Variants in ATP8B4 observed in about 807,000 individuals in gnomAD.
ATP8B4 encodes the protein ATPase phospholipid transporting 8B4 (putative).
ATP8B4 carries 133 observed loss-of-function variants against 145.6 expected under a neutral mutation model. The ratio of observed to expected loss-of-function variants is 0.91; its 90% CI spans 0.79 to 1.05. The LOEUF (loss-of-function observed/expected upper bound fraction) is 1.05. Ranked by LOEUF, ATP8B4 falls within the 50% of genes least tolerant of loss-of-function variation. The pLI is 0.00. For synonymous variants in ATP8B4, 507 were observed against 492.9 expected (o/e 1.03, Z -0.38); for missense variants, 1,458 against 1,425.2 (o/e 1.02, Z -0.37).
intron 1 of ATP8B4, among the ~76,000 whole-genome samples, chr15:50,165,796 T>C (rs1186114594): frequency 6.6e-6 from 1 of 152,038 alleles, no homozygotes; most frequent in Non-Finnish European, 1.5e-5. Context: ...AAATAAAAAA[T>C]GTTCATGTAA....
intron 9 of ATP8B4, among the ~76,000 whole-genome samples, chr15:49,994,940 T>C (rs970259031): frequency 3.3e-5 from 5 of 152,172 alleles, no homozygotes; most frequent in Non-Finnish European, 5.9e-5. Context: ...GTCTCTTTCA[T>C]CTTACCCTTA....
At chr15:49,928,836 G>A (rs1190110772) in intron 16 of ATP8B4, among the ~76,000 whole-genome samples, 1 of 152,052 alleles carries the variant, frequency 6.6e-6, no homozygotes, top group Non-Finnish European at 1.5e-5. Context: ...AGATGTTAAG[G>A]CCTGAGACTG....
At chr15:50,072,920 G>GCCCCTCTCTCTCTCTC (rs1190823807) in intron 3 of ATP8B4, among the ~76,000 whole-genome samples, 2 of 47,414 alleles carry the variant, frequency 4.2e-5, no homozygotes, top group African/African-American at 1.9e-4. Context: ...ACTGTGCCCG[G>GCCCCTCTCTCTCTCTC]CCTCTCTCTC....
At chr15:49,992,424 AT>A (rs933797462) in intron 9 of ATP8B4, among the ~76,000 whole-genome samples, 4 of 152,158 alleles carry the variant, frequency 2.6e-5, no homozygotes, top group African/African-American at 9.7e-5. Context: ...TTAAATATAC[AT>A]TTGCTGAATG....
intron 20 of ATP8B4, among the ~76,000 whole-genome samples, chr15:49,909,280 G>T (rs2038967282): frequency 6.6e-6 from 1 of 152,100 alleles, no homozygotes; most frequent in African/African-American, 2.4e-5. Context: ...AACCCAGCCT[G>T]CCACTACCAC....
chr15:50,132,930 G>A (rs575634396), intron 1 of ATP8B4, among the ~76,000 whole-genome samples: 2 of 152,176 alleles, frequency 1.3e-5, no homozygotes, highest in African/African-American at 2.4e-5. Context: ...TGGACACAGG[G>A]AGGGGAACAT....
intron 13 of ATP8B4, among the ~76,000 whole-genome samples, chr15:49,967,859 A>G (rs901571457): frequency 6.6e-6 from 1 of 152,220 alleles, no homozygotes; most frequent in Non-Finnish European, 1.5e-5. Flanking sequence ...AAAAAATGTT[A>G]AGCACAGCCA....
At chr15:50,122,084 T>C (rs1336336074), upstream of ATP8B4, among the ~76,000 whole-genome samples, 2 of 152,180 alleles carry the variant, frequency 1.3e-5, no homozygotes, top group African/African-American at 4.8e-5. Flanking sequence ...AAATAGCATC[T>C]TATGTTTCTT....
intron 26 of ATP8B4, among the ~76,000 whole-genome samples, chr15:49,865,016 AGT>A (rs1442708995): frequency 2.0e-5 from 3 of 152,148 alleles, no homozygotes; most frequent in Non-Finnish European, 4.4e-5. Flanking sequence ...TTTGTTAATG[AGT>A]TGACTGATGG....
chr15:50,074,139 C>T lies in ATP8B4; in HGVS notation c.75G>A (p.Lys25=). The change falls in exon 3 of 28, where the codon AAG becomes AAA. Residue 25 remains lysine (K), a synonymous_variant. Coordinates refer to ENST00000284509, the MANE Select transcript of ATP8B4 (RefSeq NM_024837.4). ...GTGTTTCACTTACCGCATACTGGAA[C>T]TTTTCATTATATTCACGGTCATTGG... ...VKANDREYNE[K]FQYADNRIHT... 6.2e-7 allele frequency: 1 copy of T among 1,613,054 alleles called. No homozygotes were observed. The highest frequency in any genetic ancestry group is 8.5e-7 in the Non-Finnish European group (1 of 1,179,310).
At chr15:49,918,762 T>C in intron 19 of ATP8B4, 77 bp downstream of exon 19, 1 of 1,035,326 alleles carries the variant, frequency 9.7e-7, no homozygotes. Flanking sequence ...TAATTAACCT[T>C]TCTGGTTAAT....
chr15:49,934,781 C>T (rs1567026669), intron 14 of ATP8B4, among the ~76,000 whole-genome samples: 1 of 152,072 alleles, frequency 6.6e-6, no homozygotes, highest in Non-Finnish European at 1.5e-5. Flanking sequence ...CGATAAGGAA[C>T]TGTGAGCCTG....
chr15:49,908,680 C>A (rs770592838), intron 20 of ATP8B4, among the ~76,000 whole-genome samples: 6 of 152,116 alleles, frequency 3.9e-5, no homozygotes, highest in Non-Finnish European at 8.8e-5. Context: ...CCCAGCCCCA[C>A]CAGACTGCAT....
intron 1 of ATP8B4, among the ~76,000 whole-genome samples, chr15:50,166,007 A>ACACACC (rs1242315706): frequency 7.6e-5 from 11 of 144,838 alleles, no homozygotes; most frequent in African/African-American, 2.1e-4. Flanking sequence ...ACACACACAC[A>ACACACC]CCTCATCTAA....
chr15:50,101,532 G>A (rs980809204), intron 2 of ATP8B4, among the ~76,000 whole-genome samples: 7 of 152,040 alleles, frequency 4.6e-5, no homozygotes, highest in Non-Finnish European at 7.4e-5. Context: ...TAGTCCAAAA[G>A]GAGATTATCA....
intron 12 of ATP8B4, among the ~76,000 whole-genome samples, chr15:49,978,739 TAC>T (rs60436585): frequency 0.24 from 29,539 of 122,490 alleles, 3,397 homozygotes; most frequent in Middle Eastern, 0.36. Flanking sequence ...CTTTATCAAA[TAC>T]ACACACACAC....
At chr15:49,923,657 C>T (rs76407108) in intron 16 of ATP8B4, among the ~76,000 whole-genome samples, 163 bp from the exon 17 acceptor site, 10,283 of 152,144 alleles carry the variant, frequency 0.068, 521 homozygotes, top group South Asian at 0.098. Flanking sequence ...AGTCACTTGG[C>T]TTTATTCTCA....
chr15:49,972,575 C>G lies in ATP8B4; in HGVS notation c.1243+7G>C. ...TATCGTTAAGAGAAAGGAACTGTTT[C>G]TCTTACCATAGATTCTCCCATTAAT... On this transcript the variant is annotated splice_region_variant and intron_variant, in intron 13 of 27. Transcript: ENST00000284509. 3 of 1,608,566 alleles carry G rather than the reference C, an allele frequency of 1.9e-6. No individual in the cohort carries two copies. Among genetic ancestry groups the G allele is most frequent in the Non-Finnish European group, 2.6e-6 (3 of 1,175,744 alleles).
chr15:50,064,319 A>T (rs1311472115), intron 3 of ATP8B4, among the ~76,000 whole-genome samples: 3 of 152,128 alleles, frequency 2.0e-5, no homozygotes, highest in Non-Finnish European at 4.4e-5. Context: ...GGACACATAA[A>T]ACCCAGTACA....
Sources: gnomAD v4.1 joint callset for allele counts (sites outside exome capture counted in the v4.1 genomes callset) on GRCh38, gnomAD v4.1.1 for gene constraint, MANE v1.5 for transcripts, NCBI Gene and HGNC (gene_info 2026-07-23, HGNC 2026-07-21) for gene names.